Variants in CBFA2T3 observed in about 807,000 individuals in gnomAD.
CBFA2T3 encodes the protein CBFA2/RUNX1 partner transcriptional co-repressor 3.
A neutral mutation model predicts 58.6 loss-of-function variants in CBFA2T3; 31 were observed. The observed-to-expected ratio is 0.53, with a 90% CI of 0.40 to 0.71. The LOEUF is 0.71. Among genes scored for constraint, CBFA2T3 ranks in the 30% least tolerant of loss-of-function variants. The pLI is 0.00. For missense variants in CBFA2T3, 1,076 were observed against 963.1 expected (o/e 1.12, Z -1.55); for synonymous variants, 531 against 421.9 (o/e 1.26, Z -3.17).
At chr16:88,916,211 C>T (rs1479593679) in intron 1 of CBFA2T3, among the ~76,000 whole-genome samples, 1 of 143,486 alleles carries the variant, frequency 7.0e-6, no homozygotes, top group East Asian at 2.0e-4. Context: ...TGTACATGCA[C>T]TTACATATAC....
chr16:88,970,956 G>T (rs908093785), intron 1 of CBFA2T3, among the ~76,000 whole-genome samples: 4 of 152,138 alleles, frequency 2.6e-5, no homozygotes, highest in African/African-American at 7.2e-5. Flanking sequence ...GCTCCTCGGC[G>T]AGGGCATAGC....
intron 1 of CBFA2T3, among the ~76,000 whole-genome samples, chr16:88,930,393 G>T (rs1971253936): frequency 6.6e-6 from 1 of 151,846 alleles, no homozygotes; most frequent in South Asian, 2.1e-4. Context: ...CCACGCAAAA[G>T]CTACCCATGC....
intron 10 of CBFA2T3, chr16:88,879,759 G>A (rs1455422893): frequency 5.1e-6 from 2 of 392,464 alleles, no homozygotes; most frequent in South Asian, 1.1e-4. Flanking sequence ...ACAAGTCAAA[G>A]CTTGCACTCT....
At chr16:88,940,822 G>A (rs1971695853) in intron 1 of CBFA2T3, among the ~76,000 whole-genome samples, 1 of 152,182 alleles carries the variant, frequency 6.6e-6, no homozygotes. Flanking sequence ...AGCCCCCGCA[G>A]GTCAGGCTCT....
chr16:88,923,509 T>C (rs1356596513), intron 1 of CBFA2T3, among the ~76,000 whole-genome samples: 5 of 152,230 alleles, frequency 3.3e-5, no homozygotes, highest in African/African-American at 1.2e-4. Flanking sequence ...TTTGGGGCCT[T>C]TGAGACAATT....
chr16:88,932,361 G>A (rs949435912), intron 1 of CBFA2T3, among the ~76,000 whole-genome samples: 6 of 152,150 alleles, frequency 3.9e-5, no homozygotes, highest in Non-Finnish European at 8.8e-5. Context: ...TAAGCTGGGT[G>A]CAGCGGCTCA....
At chr16:88,879,667 C>T in intron 10 of CBFA2T3, 1 of 550,236 alleles carries the variant, frequency 1.8e-6, no homozygotes, top group Non-Finnish European at 3.3e-6. Context: ...CGTTGATGGC[C>T]CTCATGCCTG....
At chr16:88,889,419 G>T (rs1357234068) in intron 5 of CBFA2T3, among the ~76,000 whole-genome samples, 1 of 147,240 alleles carries the variant, frequency 6.8e-6, no homozygotes, top group African/African-American at 2.5e-5. Flanking sequence ...GAGGGAGGGA[G>T]CGAGGGTGGG....
At chr16:88,888,689 G>A (rs1458686032) in intron 5 of CBFA2T3, among the ~76,000 whole-genome samples, 11 of 149,286 alleles carry the variant, frequency 7.4e-5, no homozygotes, top group Admixed American at 6.7e-4. Flanking sequence ...ACAAGACCTG[G>A]AAGCAGGACT....
intron 1 of CBFA2T3, among the ~76,000 whole-genome samples, chr16:88,968,335 C>T (rs1972564711): frequency 6.6e-6 from 1 of 152,220 alleles, no homozygotes; most frequent in South Asian, 2.1e-4. Context: ...TGTCTCCCTT[C>T]CCACCCGCCG....
In CBFA2T3 at chr16:88,876,666, TGCG is replaced by T; in HGVS notation, c.*307_*309del. ...GAGAGGTGGGCAGAGCCGCCGCGCC[TGCG>T]GCATCTGCTCTGCTGTCTAAAGCTC... is the stretch of plus-strand genomic sequence containing the variant. On this transcript the variant is annotated 3_prime_UTR_variant, in exon 12 of 12. Coordinates refer to ENST00000268679, the MANE Select transcript of CBFA2T3 (RefSeq NM_005187.6). The T allele has an allele frequency of 2.8e-6, 1 of 354,184 alleles. No homozygotes were observed. Among genetic ancestry groups the T allele is most frequent in the Non-Finnish European group, 5.1e-6 (1 of 197,446 alleles). The allele number at this position is 354,184 out of a possible 1,614,324, so 21.9% of individuals were successfully genotyped here.
At chr16:88,914,511 A>G (rs1326320116) in intron 1 of CBFA2T3, among the ~76,000 whole-genome samples, 1 of 152,250 alleles carries the variant, frequency 6.6e-6, no homozygotes, top group African/African-American at 2.4e-5. Context: ...ACACGCACAG[A>G]AAGACGACTA....
At chr16:88,959,881 C>G (rs1972317836) in intron 1 of CBFA2T3, among the ~76,000 whole-genome samples, 2 of 152,066 alleles carry the variant, frequency 1.3e-5, no homozygotes. Flanking sequence ...CAAAAATTAG[C>G]AGGATGCAGT....
chr16:88,922,285 G>A (rs1034326660), intron 1 of CBFA2T3, among the ~76,000 whole-genome samples: 6 of 152,246 alleles, frequency 3.9e-5, no homozygotes, highest in African/African-American at 9.6e-5. Context: ...GGCCAGACCT[G>A]GCTGGGCTCT....
At chr16:88,973,332 C>T (rs1263348241) in intron 1 of CBFA2T3, among the ~76,000 whole-genome samples, 4 of 152,202 alleles carry the variant, frequency 2.6e-5, no homozygotes, top group Non-Finnish European at 4.4e-5. Flanking sequence ...GGCTGCGGCA[C>T]GGCGGCCACA....
At chr16:88,911,061 C>T (rs1018327488) in intron 1 of CBFA2T3, among the ~76,000 whole-genome samples, 9 of 152,252 alleles carry the variant, frequency 5.9e-5, no homozygotes, top group African/African-American at 9.6e-5. Context: ...TCTCTGCCAT[C>T]GGTCTAGGCA....
chr16:88,957,979 A>C (rs1429279527), intron 1 of CBFA2T3, among the ~76,000 whole-genome samples: 1 of 152,190 alleles, frequency 6.6e-6, no homozygotes, highest in Non-Finnish European at 1.5e-5. Context: ...GAGATGGGTG[A>C]GTTGTAAGAT....
chr16:88,965,199 C>T (rs1972471771), intron 1 of CBFA2T3, among the ~76,000 whole-genome samples: 1 of 141,446 alleles, frequency 7.1e-6, no homozygotes, highest in Admixed American at 8.2e-5. Context: ...CATTTAATAA[C>T]ATGCTTATTT....
rs762088947 is a variant in CBFA2T3 at position 88,881,493 on chromosome 16, GGGGC to G, written c.1204-8_1204-5del. The G allele has an allele frequency of 3.8e-6, 6 of 1,598,518 alleles. No individual in the cohort carries two copies. Among genetic ancestry groups the G allele is most frequent in the Non-Finnish European group, 5.1e-6 (6 of 1,170,234 alleles). On this transcript the variant is annotated splice_polypyrimidine_tract_variant and splice_region_variant and intron_variant, in intron 8 of 11. Coordinates refer to ENST00000268679, the MANE Select transcript of CBFA2T3 (RefSeq NM_005187.6). ...TGTCCATGATGCAGTTCAGGAGCTGGGGGCGGGCGGCGCAGCCTTCAGCACCTCA... is the reference window on the plus strand; with the variant it reads ...TGTCCATGATGCAGTTCAGGAGCTGGGGGCGGCGCAGCCTTCAGCACCTCA...
Sources: gnomAD v4.1 joint callset for allele counts (sites outside exome capture counted in the v4.1 genomes callset) on GRCh38, gnomAD v4.1.1 for gene constraint, MANE v1.5 for transcripts, NCBI Gene and HGNC (gene_info 2026-07-23, HGNC 2026-07-21) for gene names.